Variants in CHST15 observed in about 807,000 individuals in gnomAD.
The protein encoded by CHST15 is carbohydrate sulfotransferase 15, also known as B cell RAG associated protein (GALNAC4S-6ST).
CHST15 carries 30 observed loss-of-function variants against 53.6 expected under a neutral mutation model. That is an observed-to-expected ratio of 0.56 (90% CI 0.42 to 0.76). The LOEUF (loss-of-function observed/expected upper bound fraction) is 0.76, where lower values mean the gene tolerates loss of function less well. Among genes scored for constraint, CHST15 ranks in the 30% least tolerant of loss-of-function variants. The pLI is 0.00. For synonymous variants in CHST15, 296 were observed against 289.8 expected (o/e 1.02, Z -0.22); for missense variants, 627 against 740.5 (o/e 0.85, Z 1.78).
At position 124,019,930 on chromosome 10, in the gene CHST15, C is replaced by T. The variant is rs572351511; in HGVS notation, c.1347+1326G>A. 23 of 985,840 alleles carry T rather than the reference C, an allele frequency of 2.3e-5. No individual in the cohort carries two copies. Among genetic ancestry groups the T allele is most frequent in the Non-Finnish European group, 2.8e-5 (23 of 830,366 alleles). The allele number at this position is 985,840 out of a possible 1,614,324, so 61.1% of individuals were successfully genotyped here. A position where few individuals can be genotyped will look rare whatever the true frequency, so the allele number is the denominator to read the frequency against. ...GTGCTGACCACTGGGCCTCTGCACA[C>T]GCTGCTCTCAGTTCCCTGGCCAACT... On this transcript the variant is annotated intron_variant, in intron 6 of 7. Transcript: ENST00000435907. The surrounding 1 kb of genome is among the most constrained non-coding windows in gnomAD (Gnocchi z 4.6).
At chr10:124,049,156 G>A (rs1948103956) in intron 1 of CHST15, among the ~76,000 whole-genome samples, 1 of 152,206 alleles carries the variant, frequency 6.6e-6, no homozygotes, top group Admixed American at 6.5e-5. Flanking sequence ...ACCTTTTGAA[G>A]AACAGCTGAG....
intron 5 of CHST15, among the ~76,000 whole-genome samples, chr10:124,027,785 C>T (rs9422309): frequency 0.2 from 30,940 of 152,140 alleles, 3,643 homozygotes; most frequent in Middle Eastern, 0.27. Flanking sequence ...TGCCCATGGT[C>T]ACGCAGCCCA....
At chr10:124,067,299 T>C (rs1410597224) in intron 1 of CHST15, among the ~76,000 whole-genome samples, 1 of 152,262 alleles carries the variant, frequency 6.6e-6, no homozygotes, top group Non-Finnish European at 1.5e-5. Flanking sequence ...ACTGCACTTA[T>C]TCAGACCAAT....
chr10:124,030,322 T>C (rs976034359), intron 5 of CHST15, among the ~76,000 whole-genome samples: 3 of 152,102 alleles, frequency 2.0e-5, no homozygotes, highest in Non-Finnish European at 4.4e-5. Context: ...CCAGGGCCCA[T>C]ATCAAGGTGT....
At chr10:124,035,891 G>T (rs1300489669) in intron 5 of CHST15, among the ~76,000 whole-genome samples, 1 of 152,168 alleles carries the variant, frequency 6.6e-6, no homozygotes, top group African/African-American at 2.4e-5. Context: ...CCACAGCCAT[G>T]CCCACGTCCC....
At chr10:124,060,979 C>T (rs2134099120) in intron 1 of CHST15, among the ~76,000 whole-genome samples, 1 of 152,230 alleles carries the variant, frequency 6.6e-6, no homozygotes, top group African/African-American at 2.4e-5. Context: ...AACCTGCTTC[C>T]TCTCATCTCT....
At chr10:124,037,213 A>G (rs1947530587) in intron 5 of CHST15, among the ~76,000 whole-genome samples, 1 of 152,202 alleles carries the variant, frequency 6.6e-6, no homozygotes, top group African/African-American at 2.4e-5. Context: ...TTTCCAAATA[A>G]GGTCACAGTC....
chr10:124,065,861 T>C (rs6588750), intron 1 of CHST15, among the ~76,000 whole-genome samples: 1 of 151,978 alleles, frequency 6.6e-6, no homozygotes, highest in Non-Finnish European at 1.5e-5. Flanking sequence ...CCAGAAGATA[T>C]AATTTTTCAG....
chr10:124,045,134 A>AAC (rs796758705), intron 2 of CHST15, among the ~76,000 whole-genome samples: 8 of 147,448 alleles, frequency 5.4e-5, no homozygotes, highest in East Asian at 1.9e-4. Context: ...AAAAAAAAAA[A>AAC]AAAAAAAAAA....
rs143064571 is a variant in CHST15, at chr10:124,033,618, G to A, written c.1190+4897C>T. Among the ~76,000 whole-genome samples, 38 of 152,334 alleles carry A rather than the reference G, an allele frequency of 2.5e-4. No individual in the cohort carries two copies. The East Asian group carries it at 6.2e-3, about 25-fold the overall frequency. ...CGTGACTTCTAATCTGCTAGCAGAC[G>A]CTCTAGCTTGCTGGCTTGGATAAAG... On this transcript the variant is annotated intron_variant, in intron 5 of 7. Coordinates refer to ENST00000435907, the MANE Select transcript of CHST15 (RefSeq NM_001270764.2).
chr10:124,045,996 G>A lies in CHST15; in HGVS notation c.217C>T (p.Arg73Cys), dbSNP rs145631200. The A allele has an allele frequency of 7.0e-5, 113 of 1,614,042 alleles. 1 individual carries two copies. Among genetic ancestry groups the A allele is most frequent in the African/African-American group, 6.4e-4 (48 of 74,990 alleles). ...CTACATCGCTTCCCCTTTTTGAAGC[G>A]CAAAAACCCACCCCAGTTTTCGTTC... is the stretch of plus-strand genomic sequence containing the variant. ...EGNENWGGFL[R>C]FKKGKRCSLV... The change falls in exon 2 of 8, where the codon CGC becomes TGC. Residue 73 changes from arginine to cysteine, a missense_variant. Arg to Cys is a radical substitution (Grantham distance 180). Around this residue, in one of 3 missense-constraint regions of CHST15, gnomAD observed 187 missense variants for 251.8 expected, o/e 0.74. Coordinates refer to ENST00000435907, the MANE Select transcript of CHST15 (RefSeq NM_001270764.2).
intron 6 of CHST15, among the ~76,000 whole-genome samples, chr10:124,017,509 T>G (rs1473531084): frequency 1.1e-5 from 1 of 88,466 alleles, no homozygotes; most frequent in Non-Finnish European, 2.8e-5. Context: ...AAAGGCACAA[T>G]GTGGTAGAAA....
rs550642463 is a variant in CHST15, at chr10:124,009,331, G to C, written c.*818C>G. 19 of 1,076,544 alleles carry C rather than the reference G, an allele frequency of 1.8e-5. No homozygotes were observed. The African/African-American group carries it at 2.8e-4, about 16-fold the overall frequency. The allele number at this position is 1,076,544 out of a possible 1,614,324, so 66.7% of individuals were successfully genotyped here. A position where few individuals can be genotyped will look rare whatever the true frequency, so the allele number is the denominator to read the frequency against. On this transcript the variant is annotated 3_prime_UTR_variant, in exon 8 of 8. Transcript: ENST00000435907. ...AAAACGTATGAAGAGGCAGCAGAGAGAGAGCCAGGACTGGTTAAATGCAGA... is the reference window on the plus strand; with the variant it reads ...AAAACGTATGAAGAGGCAGCAGAGACAGAGCCAGGACTGGTTAAATGCAGA...
At chr10:124,049,946 G>A (rs1332448601) in intron 1 of CHST15, among the ~76,000 whole-genome samples, 1 of 152,164 alleles carries the variant, frequency 6.6e-6, no homozygotes, top group Non-Finnish European at 1.5e-5. Flanking sequence ...CTCTGGTAGG[G>A]GCAGACTTGA....
intron 1 of CHST15, among the ~76,000 whole-genome samples, chr10:124,088,883 C>T (rs1042287018): frequency 2.6e-5 from 4 of 152,238 alleles, no homozygotes; most frequent in Non-Finnish European, 4.4e-5. Context: ...AGACTGGACA[C>T]ACTAATTAGA....
intron 5 of CHST15, among the ~76,000 whole-genome samples, chr10:124,025,905 C>T (rs1946986616): frequency 6.6e-6 from 1 of 152,116 alleles, no homozygotes; most frequent in African/African-American, 2.4e-5. Context: ...TTAGGGCCAC[C>T]AGAGGGAACC....
chr10:124,079,546 G>C (rs371945010), intron 1 of CHST15, among the ~76,000 whole-genome samples: 2 of 152,174 alleles, frequency 1.3e-5, no homozygotes, highest in African/African-American at 4.8e-5. Flanking sequence ...TGGAGACCAC[G>C]GTTACCCAGG....
At position 124,008,199 on chromosome 10, in the gene CHST15, G is replaced by A. The variant is rs1946320536; in HGVS notation, c.*1950C>T. On this transcript the variant is annotated 3_prime_UTR_variant, in exon 8 of 8. Coordinates refer to ENST00000435907, the MANE Select transcript of CHST15 (RefSeq NM_001270764.2). The stretch of plus-strand genomic sequence containing the variant: ...AAATCCCTTGTTGTAATTATGGTTG[G>A]TGTGGAATAGTAAAATATGTACTGA... The A allele has an allele frequency of 2.4e-6, 3 of 1,228,080 alleles. No individual in the cohort carries two copies. Among genetic ancestry groups the A allele is most frequent in the South Asian group, 8.5e-5 (2 of 23,460 alleles). 76.1% of individuals were successfully genotyped at this position (1,228,080 alleles called of 1,614,324 possible).
chr10:124,031,200 TG>T (rs759910481), intron 5 of CHST15, among the ~76,000 whole-genome samples: 2 of 152,216 alleles, frequency 1.3e-5, no homozygotes, highest in Non-Finnish European at 2.9e-5. Flanking sequence ...ACATGAAGCC[TG>T]GCCCTACTCC....
Sources: gnomAD v4.1 joint callset for allele counts (sites outside exome capture counted in the v4.1 genomes callset) on GRCh38, gnomAD v4.1.1 for gene constraint, gnomAD v4.1.1 regional missense constraint, Gnocchi (gnomAD v3.1) non-coding constraint, MANE v1.5 for transcripts, NCBI Gene and HGNC (gene_info 2026-07-23, HGNC 2026-07-21) for gene names.